The following EXTL3 variants were observed in gnomAD, a reference collection of about 807,000 sequenced individuals.
EXTL3 encodes exostosin-like 3.
In EXTL3, 27 loss-of-function variants were observed where a neutral mutation model predicts 69.3. The observed-to-expected ratio is 0.39, with a 90% CI of 0.29 to 0.54. The LOEUF (loss-of-function observed/expected upper bound fraction) is 0.54. Among genes scored for constraint, EXTL3 ranks in the 20% least tolerant of loss-of-function variants. EXTL3 has a pLI of 0.69. For synonymous variants in EXTL3, 511 were observed against 499.4 expected, an observed-to-expected ratio of 1.02 and a Z score of -0.31; for missense variants, 1,003 against 1,231.8, an observed-to-expected ratio of 0.81 and a Z score of 2.78.
intron 1 of EXTL3, among the ~76,000 whole-genome samples, chr8:28,655,593 G>A (rs1806997386): frequency 1.3e-5 from 2 of 151,400 alleles, no homozygotes; most frequent in African/African-American, 4.9e-5. Flanking sequence ...CTGGGCTTAG[G>A]CGATCTTCCC....
In EXTL3 at chr8:28,750,078, C is replaced by T. The variant is rs1230994334; in HGVS notation, c.2551-579C>T. On this transcript the variant is annotated intron_variant, in intron 6 of 6. Transcript: ENST00000220562. The surrounding 1 kb of genome is among the most constrained non-coding windows in gnomAD (Gnocchi z 5.2). Reference sequence around the variant, plus strand: ...TGTTCTGAGGGGTTTTTATGCCATTCGGCCTGCCACATTGTAATGAAGCTG... The same window carrying T: ...TGTTCTGAGGGGTTTTTATGCCATTTGGCCTGCCACATTGTAATGAAGCTG... 1.3e-5 allele frequency among the ~76,000 whole-genome samples: 2 copies of T among 152,166 alleles called. No individual in the cohort carries two copies. The highest frequency in any genetic ancestry group is 2.9e-5 in the Non-Finnish European group (2 of 68,042).
At chr8:28,660,326 G>A (rs1479183637) in intron 1 of EXTL3, among the ~76,000 whole-genome samples, 3 of 151,780 alleles carry the variant, frequency 2.0e-5, no homozygotes, top group Non-Finnish European at 4.4e-5. Context: ...ATTGCACTGC[G>A]GCACTCCAGC....
intron 2 of EXTL3, among the ~76,000 whole-genome samples, chr8:28,617,325 A>G (rs978036142): frequency 4.6e-5 from 7 of 152,228 alleles, no homozygotes; most frequent in Admixed American, 2.0e-4. Context: ...AGGAGAAAAC[A>G]TATGTGAAGT....
chr8:28,621,284 G>A (rs2130542270), upstream of EXTL3, among the ~76,000 whole-genome samples: 1 of 152,210 alleles, frequency 6.6e-6, no homozygotes, highest in South Asian at 2.1e-4. Flanking sequence ...TAATATGACT[G>A]GTGTTCTTAT....
chr8:28,609,746 T>C (rs10113056), intron 2 of EXTL3, among the ~76,000 whole-genome samples: 44,927 of 151,030 alleles, frequency 0.3, 6,869 homozygotes, highest in African/African-American at 0.36. Flanking sequence ...AAAAAATAAC[T>C]GCGCGTGATG....
intron 2 of EXTL3, chr8:28,607,780 T>C (rs1350440310): frequency 6.6e-6 from 1 of 152,204 alleles, no homozygotes; most frequent in African/African-American, 2.4e-5. Flanking sequence ...TCCACTGCCA[T>C]AGCACAGAGC....
In EXTL3 at chr8:28,635,392, T is replaced by TA. The variant is rs372980960; in HGVS notation, c.-53+12607dup. 5.0e-3 allele frequency among the ~76,000 whole-genome samples: 577 copies of TA among 114,396 alleles called. 5 individuals carry two copies. Among genetic ancestry groups the TA allele is most frequent in the East Asian group, 0.011 (41 of 3,870 alleles). 75.0% of individuals were successfully genotyped at this position (114,396 alleles called of 152,430 possible). ...GGGCAACATAGCAAGACTGGTCTCTTAAAAAAAAAAAAAAAAAAAAAAAAA... is the reference window on the plus strand; with the variant it reads ...GGGCAACATAGCAAGACTGGTCTCTTAAAAAAAAAAAAAAAAAAAAAAAAAA... On this transcript the variant is annotated intron_variant, in intron 1 of 6. Coordinates refer to the EXTL3 transcript ENST00000523149.
At position 28,716,163 on chromosome 8, in the gene EXTL3, C is replaced by T. The variant is rs748989305; in HGVS notation, c.104C>T (p.Thr35Met). Reference sequence around the variant, plus strand: ...ATCCGCCTCACGTGGCTCAGCTTCACGCTCTTTGTCATCCTGGTCTTCTTC... The same window carrying T: ...ATCCGCCTCACGTGGCTCAGCTTCATGCTCTTTGTCATCCTGGTCTTCTTC... ...NRIRLTWLSFTLFVILVFFPL... is the reference protein window; with the variant it reads ...NRIRLTWLSFMLFVILVFFPL... The change falls in exon 3 of 7, where the codon ACG becomes ATG. Residue 35 changes from threonine to methionine, a missense_variant. Physicochemically the swap from Thr to Met is moderately conservative, Grantham distance 81. Coordinates refer to ENST00000220562, the MANE Select transcript of EXTL3 (RefSeq NM_001440.4). The surrounding 1 kb of genome is among the most constrained non-coding windows in gnomAD (Gnocchi z 7.1). 45 of 1,614,026 alleles carry T rather than the reference C, an allele frequency of 2.8e-5. No homozygotes were observed. Among genetic ancestry groups the T allele is most frequent in the Non-Finnish European group, 3.4e-5 (40 of 1,180,038 alleles).
chr8:28,707,685 G>A (rs1800951804), intron 1 of EXTL3, among the ~76,000 whole-genome samples: 1 of 151,982 alleles, frequency 6.6e-6, no homozygotes, highest in Non-Finnish European at 1.5e-5. Flanking sequence ...CAAACTGCAG[G>A]AGTTTTCCCC....
At chr8:28,659,260 T>C (rs1478293980) in intron 1 of EXTL3, among the ~76,000 whole-genome samples, 3 of 152,136 alleles carry the variant, frequency 2.0e-5, no homozygotes, top group Non-Finnish European at 4.4e-5. Context: ...TTTTTTCCAT[T>C]TGGATGCTGT....
chr8:28,719,610 C>A (rs1489637144), intron 3 of EXTL3, among the ~76,000 whole-genome samples: 1 of 151,946 alleles, frequency 6.6e-6, no homozygotes, highest in Non-Finnish European at 1.5e-5. Flanking sequence ...GTTATAAATC[C>A]TTTTTATCCC....
upstream of EXTL3, among the ~76,000 whole-genome samples, chr8:28,620,399 G>C (rs376623819): frequency 5.9e-5 from 9 of 152,300 alleles, no homozygotes; most frequent in South Asian, 1.7e-3. Flanking sequence ...TTGAACTAGA[G>C]CTCTGAGTTC....
At chr8:28,737,224 C>T (rs941793306) in intron 4 of EXTL3, among the ~76,000 whole-genome samples, 3 of 152,234 alleles carry the variant, frequency 2.0e-5, no homozygotes, top group African/African-American at 7.2e-5. Context: ...AGATATTGTA[C>T]ATACCCCATT....
At chr8:28,734,724 A>C (rs1214917836) in intron 4 of EXTL3, among the ~76,000 whole-genome samples, 1 of 152,158 alleles carries the variant, frequency 6.6e-6, no homozygotes, top group Non-Finnish European at 1.5e-5. Context: ...ACAAAACAAA[A>C]AAAACACTGG....
At chr8:28,666,599 A>T (rs530598238) in intron 1 of EXTL3, among the ~76,000 whole-genome samples, 5 of 151,744 alleles carry the variant, frequency 3.3e-5, no homozygotes, top group African/African-American at 4.8e-5. Flanking sequence ...TATTTGAGAC[A>T]GAGTTTCACT....
chr8:28,657,729 G>A (rs566031885), intron 1 of EXTL3, among the ~76,000 whole-genome samples: 5 of 151,950 alleles, frequency 3.3e-5, no homozygotes, highest in African/African-American at 4.8e-5. Context: ...ATAAAGACCC[G>A]GGGGGAAAAA....
chr8:28,709,349 G>T (rs1800985628), intron 1 of EXTL3, among the ~76,000 whole-genome samples: 1 of 152,168 alleles, frequency 6.6e-6, no homozygotes, highest in East Asian at 1.9e-4. Flanking sequence ...AATTATTTAA[G>T]ATATTAGAGG....
At chr8:28,727,752 A>G (rs1027807647) in intron 3 of EXTL3, among the ~76,000 whole-genome samples, 1 of 152,162 alleles carries the variant, frequency 6.6e-6, no homozygotes, top group Middle Eastern at 3.2e-3. Flanking sequence ...CCTCTGTACC[A>G]GTGCTTCTCC....
At chr8:28,734,622 G>A (rs1238784718) in intron 4 of EXTL3, among the ~76,000 whole-genome samples, 1 of 152,222 alleles carries the variant, frequency 6.6e-6, no homozygotes, top group Non-Finnish European at 1.5e-5. Flanking sequence ...TGAGACAGGA[G>A]AATTGCTTGA....
Sources: gnomAD v4.1 joint callset for allele counts (sites outside exome capture counted in the v4.1 genomes callset) on GRCh38, gnomAD v4.1.1 for gene constraint, Gnocchi (gnomAD v3.1) non-coding constraint, MANE v1.5 for transcripts, NCBI Gene and HGNC (gene_info 2026-07-23, HGNC 2026-07-21) for gene names.